Variants in HHAT observed in about 807,000 individuals in gnomAD.
HHAT encodes the protein protein-cysteine N-palmitoyltransferase HHAT.
In HHAT, 47 loss-of-function variants were observed where a neutral mutation model predicts 70.8. The ratio of observed to expected loss-of-function variants is 0.66; its 90% confidence interval spans 0.53 to 0.85. The LOEUF is 0.85. Ranked by LOEUF, HHAT falls within the 40% of genes least tolerant of loss-of-function variation. The probability of loss-of-function intolerance (pLI) is 0.00; values close to 1 mark genes in which losing one functional copy is unlikely to be tolerated. For synonymous variants in HHAT, 228 were observed against 247.6 expected (o/e 0.92, Z 0.74); for missense variants, 609 against 604.8 (o/e 1.01, Z -0.07).
At chr1:210,524,809 C>G (rs1466531735) in intron 9 of HHAT, among the ~76,000 whole-genome samples, 1 of 152,120 alleles carries the variant, frequency 6.6e-6, no homozygotes, top group Non-Finnish European at 1.5e-5. Context: ...GTTTCTCAAA[C>G]AGACAGCTGT....
intron 3 of HHAT, among the ~76,000 whole-genome samples, chr1:210,385,170 C>A (rs2090943837): frequency 6.7e-6 from 1 of 149,616 alleles, no homozygotes; most frequent in African/African-American, 2.5e-5. Flanking sequence ...AGTTTCGAGG[C>A]ATAGGTAAGC....
chr1:210,495,927 C>CT (rs971825748), intron 8 of HHAT, among the ~76,000 whole-genome samples: 2 of 145,516 alleles, frequency 1.4e-5, no homozygotes, highest in African/African-American at 5.1e-5. Context: ...AGGAGAATCA[C>CT]TTGAACCTAG....
At chr1:210,403,782 C>T (rs1309586572) in intron 5 of HHAT, among the ~76,000 whole-genome samples, 3 of 152,136 alleles carry the variant, frequency 2.0e-5, no homozygotes, top group African/African-American at 7.2e-5. Context: ...TAATTTTACT[C>T]CCCGATATTA....
chr1:210,370,569 A>G lies in HHAT; in HGVS notation c.159+7650A>G, dbSNP rs1401584749. On this transcript the variant is annotated intron_variant, in intron 3 of 11. Coordinates refer to ENST00000261458, the MANE Select transcript of HHAT (RefSeq NM_018194.6). ...CAGGGTACCTGGTGGCTAAAAATTA[A>G]TAAGCAAATTTGATGTTTATCCATT... Among the ~76,000 whole-genome samples, 5 of 151,650 alleles carry G rather than the reference A, an allele frequency of 3.3e-5. No homozygotes were observed. The East Asian group carries it at 9.7e-4, about 30-fold the overall frequency.
At chr1:210,627,325 A>G (rs1670004227) in intron 11 of HHAT, among the ~76,000 whole-genome samples, 1 of 152,220 alleles carries the variant, frequency 6.6e-6, no homozygotes, top group Non-Finnish European at 1.5e-5. Flanking sequence ...CTCTCCTGGC[A>G]TCACTGATGT....
intron 11 of HHAT, among the ~76,000 whole-genome samples, chr1:210,651,276 T>C (rs34051424): frequency 0.011 from 1,659 of 151,872 alleles, 36 homozygotes; most frequent in African/African-American, 0.037. Flanking sequence ...AGATGGCATA[T>C]CTGTCAAGAT....
intron 9 of HHAT, among the ~76,000 whole-genome samples, chr1:210,565,575 G>A (rs79190448): frequency 0.059 from 9,049 of 152,130 alleles, 858 homozygotes; most frequent in African/African-American, 0.2. Flanking sequence ...AAACAAGGAA[G>A]TATCTAAAAA....
intron 11 of HHAT, among the ~76,000 whole-genome samples, chr1:210,659,534 T>C (rs962194356): frequency 6.6e-6 from 1 of 152,028 alleles, no homozygotes; most frequent in Non-Finnish European, 1.5e-5. Flanking sequence ...TTCCAATCAA[T>C]AGAAAAAGAG....
chr1:210,454,370 G>A (rs2093818444), intron 7 of HHAT, among the ~76,000 whole-genome samples: 1 of 152,152 alleles, frequency 6.6e-6, no homozygotes, highest in Admixed American at 6.5e-5. Context: ...TGGTGAACAT[G>A]GTGAAACCCT....
At chr1:210,431,723 C>T (rs934375825) in intron 7 of HHAT, among the ~76,000 whole-genome samples, 15 of 151,670 alleles carry the variant, frequency 9.9e-5, no homozygotes, top group Admixed American at 6.6e-4. Flanking sequence ...GAATTTCTTC[C>T]AGGTTACTAT....
intron 2 of HHAT, among the ~76,000 whole-genome samples, chr1:210,358,475 A>AG (rs2087890819): frequency 6.6e-6 from 1 of 152,222 alleles, no homozygotes; most frequent in Non-Finnish European, 1.5e-5. Context: ...AGAGGAAAGA[A>AG]GGAGCCCCTA....
chr1:210,646,469 C>G (rs959354910), intron 11 of HHAT, among the ~76,000 whole-genome samples: 2 of 152,104 alleles, frequency 1.3e-5, no homozygotes, highest in Non-Finnish European at 2.9e-5. Context: ...GAACATATCC[C>G]TGAGCCCTAG....
At chr1:210,419,524 GCTCCAATAA>G (rs1489937363) in intron 7 of HHAT, among the ~76,000 whole-genome samples, 16 of 152,178 alleles carry the variant, frequency 1.1e-4, no homozygotes, top group Admixed American at 5.2e-4. Flanking sequence ...CCAGCCTGTA[GCTCCAATAA>G]CTGTGTGATC....
At chr1:210,606,539 T>G (rs1665481134) in intron 10 of HHAT, among the ~76,000 whole-genome samples, 1 of 152,286 alleles carries the variant, frequency 6.6e-6, no homozygotes, top group East Asian at 1.9e-4. Flanking sequence ...TTGAAGCCCT[T>G]CCATCCTCTT....
intron 11 of HHAT, among the ~76,000 whole-genome samples, chr1:210,637,295 A>G (rs1573915332): frequency 6.6e-6 from 1 of 152,340 alleles, no homozygotes; most frequent in Middle Eastern, 3.4e-3. Context: ...CCAAAATGTA[A>G]GAGCCAAAAC....
intron 9 of HHAT, among the ~76,000 whole-genome samples, chr1:210,514,976 C>G (rs2095029922): frequency 6.6e-6 from 1 of 152,184 alleles, no homozygotes; most frequent in Admixed American, 6.5e-5. Flanking sequence ...AGGCAGTGGT[C>G]AAGTGTCTCT....
chr1:210,373,465 C>A (rs956328196), intron 3 of HHAT, among the ~76,000 whole-genome samples: 2 of 152,062 alleles, frequency 1.3e-5, no homozygotes, highest in East Asian at 3.9e-4. Context: ...AAGGTAAGAG[C>A]GAGATCACAG....
chr1:210,407,174 G>A (rs979548764), intron 6 of HHAT, among the ~76,000 whole-genome samples: 1 of 152,228 alleles, frequency 6.6e-6, no homozygotes, highest in Admixed American at 6.5e-5. Flanking sequence ...TTATCTTGCA[G>A]TGAAAGGGTT....
At chr1:210,645,183 C>T (rs909947542) in intron 11 of HHAT, among the ~76,000 whole-genome samples, 7 of 152,134 alleles carry the variant, frequency 4.6e-5, no homozygotes, top group East Asian at 1.9e-4. Context: ...ACAGGCTTGC[C>T]GTCACACCTA....
Sources: allele counts gnomAD v4.1 joint callset (sites outside exome capture counted in the v4.1 genomes callset), GRCh38; gene constraint gnomAD v4.1.1; transcripts MANE v1.5; gene names NCBI Gene and HGNC (gene_info 2026-07-23, HGNC 2026-07-21).